DCAF4: variants seen among roughly 807,000 people sequenced by gnomAD.
DCAF4 encodes the protein DDB1 and CUL4 associated factor 4, also known as DDB1- and CUL4-associated factor 4.
In DCAF4, 37 loss-of-function variants were observed where a neutral mutation model predicts 60.9. That is an observed-to-expected ratio of 0.61 (90% confidence interval 0.47 to 0.80). The LOEUF (loss-of-function observed/expected upper bound fraction) is 0.80, where lower values mean the gene tolerates loss of function less well. DCAF4 is among the 30% of genes least tolerant of loss of function. The pLI is 0.00. For synonymous variants in DCAF4, 243 were observed against 254.8 expected, an observed-to-expected ratio of 0.95 and a Z score of 0.44; for missense variants, 577 against 650.0, an observed-to-expected ratio of 0.89 and a Z score of 1.22.
rs745422403 is a variant in DCAF4, at chr14:72,946,022, C to T, written c.673C>T (p.Arg225Trp). ...GCACGAAAACCTCTACTTCACCAAC[C>T]GGAAGGTACGTTGCCCATCCCTGTA... is the stretch of plus-strand genomic sequence containing the variant. ...FMHENLYFTNRKVNSVCWASL... is the reference protein window; with the variant it reads ...FMHENLYFTNWKVNSVCWASL... The change falls in exon 7 of 14, where the codon CGG becomes TGG. Residue 225 changes from arginine to tryptophan, a missense_variant. By Grantham distance (101) the Arg-to-Trp change is moderately radical (BLOSUM62 -3). Transcript: ENST00000358377. 1.7e-5 allele frequency: 28 copies of T among 1,613,894 alleles called. No individual in the cohort carries two copies. The highest frequency in any genetic ancestry group is 2.2e-5 in the Non-Finnish European group (26 of 1,180,010).
Position 72,941,752 on chromosome 14 carries a change from G to A in DCAF4, c.359G>A (p.Arg120Lys). Residue 120 changes from arginine (R) to lysine (K), a missense_variant, in exon 5 of 14, where the codon AGG (arginine) becomes AAG (lysine). Transcript: ENST00000358377. Reference sequence around the variant, plus strand: ...TTTTTGTAATAAATATAGATTGCCAGGATGGGATTTAATGCATCTTCCATG... The same window carrying A: ...TTTTTGTAATAAATATAGATTGCCAAGATGGGATTTAATGCATCTTCCATG... ...QEEDRRKKIA[R>K]MGFNASSMLR... 1 of 1,613,742 alleles carries A rather than the reference G, an allele frequency of 6.2e-7. No individual in the cohort carries two copies. The highest frequency in any genetic ancestry group is 8.5e-7 in the Non-Finnish European group (1 of 1,179,862).
chr14:72,934,129 C>T (rs1284882303), intron 1 of DCAF4, among the ~76,000 whole-genome samples: 1 of 151,310 alleles, frequency 6.6e-6, no homozygotes, highest in Non-Finnish European at 1.5e-5. Flanking sequence ...GCAGGCCCCC[C>T]GCCCCCACTG....
chr14:72,946,918 G>A (rs922435114), intron 7 of DCAF4, among the ~76,000 whole-genome samples: 3 of 152,186 alleles, frequency 2.0e-5, no homozygotes, highest in African/African-American at 7.2e-5. Flanking sequence ...CAGAGGGTAT[G>A]CCAGATAGAC....
At chr14:72,934,634 C>A (rs1461816409) in intron 1 of DCAF4, among the ~76,000 whole-genome samples, 2 of 152,142 alleles carry the variant, frequency 1.3e-5, no homozygotes, top group Non-Finnish European at 2.9e-5. Context: ...CTCCCTCCCC[C>A]ACCTCCAGCC....
At chr14:72,934,439 C>T (rs559117978) in intron 1 of DCAF4, among the ~76,000 whole-genome samples, 25 of 152,220 alleles carry the variant, frequency 1.6e-4, no homozygotes, top group Non-Finnish European at 2.1e-4. Context: ...CAGGTGTGAG[C>T]CACTGCACCC....
At chr14:72,955,299 C>T (rs1444999291) in intron 11 of DCAF4, among the ~76,000 whole-genome samples, 1 of 152,008 alleles carries the variant, frequency 6.6e-6, no homozygotes, top group Admixed American at 6.6e-5. Context: ...CTAGGACCTC[C>T]GTGCTACCCA....
intron 1 of DCAF4, among the ~76,000 whole-genome samples, chr14:72,935,384 A>AG (rs1242214413): frequency 1.3e-5 from 2 of 152,026 alleles, no homozygotes; most frequent in African/African-American, 4.8e-5. Context: ...CCTCCCAAGT[A>AG]ACCGGGATTA....
chr14:72,930,038 G>T, intron 1 of DCAF4: 1 of 564,610 alleles, frequency 1.8e-6, no homozygotes, highest in Non-Finnish European at 3.1e-6. Context: ...GGTTGAGGCA[G>T]GAGGACGGCT....
downstream of DCAF4, chr14:72,959,738 C>T (rs535689862): frequency 1.7e-5 from 15 of 859,762 alleles, no homozygotes; most frequent in South Asian, 8.0e-4. Flanking sequence ...GGAGAGCTTC[C>T]CTGGGCCCCT....
chr14:72,950,959 A>G (rs1352246235), intron 8 of DCAF4, among the ~76,000 whole-genome samples: 2 of 152,090 alleles, frequency 1.3e-5, no homozygotes, highest in Non-Finnish European at 2.9e-5. Context: ...GGGAGGGATC[A>G]GAGAGGGCTT....
chr14:72,929,602 G>A, intron 1 of DCAF4: 1 of 1,019,434 alleles, frequency 9.8e-7, no homozygotes, highest in South Asian at 1.4e-5. Flanking sequence ...AAGAGGGCAG[G>A]GGAGGGGGCT....
chr14:72,954,948 C>T lies in DCAF4; in HGVS notation c.1005+465C>T, dbSNP rs370354470. 2.6e-5 allele frequency among the ~76,000 whole-genome samples: 4 copies of T among 152,032 alleles called. No homozygotes were observed. The East Asian group carries it at 5.8e-4, about 22-fold the overall frequency. On this transcript the variant is annotated intron_variant, in intron 11 of 13. Coordinates refer to ENST00000358377, the MANE Select transcript of DCAF4 (RefSeq NM_015604.4). ...TAGCCAAGATGGTGAAACCCCTTCT[C>T]TACTAAAAATACGAAAGTTAGCCAG...
chr14:72,946,216 C>G (rs529214196), intron 7 of DCAF4, among the ~76,000 whole-genome samples, 189 bp downstream of exon 7: 1 of 149,168 alleles, frequency 6.7e-6, no homozygotes, highest in East Asian at 2.0e-4. Flanking sequence ...CATGGTGAAA[C>G]CTTGTCTCTA....
intron 13 of DCAF4, 152 bp downstream of exon 13, chr14:72,956,652 G>A: frequency 1.5e-6 from 1 of 676,054 alleles, no homozygotes; most frequent in Non-Finnish European, 2.6e-6. Context: ...TAGGAGGGAA[G>A]TAGAATTAGA....
chr14:72,952,944 C>T (rs369961388), intron 9 of DCAF4, among the ~76,000 whole-genome samples: 38 of 143,158 alleles, frequency 2.7e-4, no homozygotes, highest in African/African-American at 9.3e-4. Flanking sequence ...CCACCTGCCT[C>T]GGCCTCCCAA....
chr14:72,938,026 C>G lies in DCAF4; in HGVS notation c.48C>G (p.Ser16Arg). 2 of 1,611,006 alleles carry G rather than the reference C, an allele frequency of 1.2e-6. No individual in the cohort carries two copies. Among genetic ancestry groups the G allele is most frequent in the Non-Finnish European group, 1.7e-6 (2 of 1,179,156 alleles). ...WQSRRRHGRR[S>R]HQQNPWFRLR... ...GTAGAAGACGACATGGGAGAAGAAG[C>G]CACCAGCAGAACCCTTGGTTCAGAC... is the stretch of plus-strand genomic sequence containing the variant. Residue 16 changes from serine to arginine, a missense_variant, in exon 2 of 14, where the codon AGC becomes AGG. Ser to Arg is a moderately radical substitution (Grantham distance 110). Transcript: ENST00000358377.
chr14:72,947,279 T>C, intron 8 of DCAF4, 88 bp downstream of exon 8: 1 of 1,459,664 alleles, frequency 6.9e-7, no homozygotes, highest in Non-Finnish European at 9.6e-7. Flanking sequence ...ACATGGCATC[T>C]TAGTGACCAG....
intron 1 of DCAF4, chr14:72,929,876 TG>T: frequency 6.8e-7 from 1 of 1,474,226 alleles, no homozygotes; most frequent in Non-Finnish European, 9.3e-7. Context: ...CTCACGTTCT[TG>T]GTCACCTTGT....
rs58705908 is a variant in DCAF4 at position 72,958,886 on chromosome 14, G to T, written c.*81G>T. ...ACTTTTTACTGCATCTAATGAGGGT[G>T]TTTTAAGTGACACTCAGTGTACACA... On this transcript the variant is annotated 3_prime_UTR_variant, in exon 14 of 14. Transcript: ENST00000358377. 1,687 of 1,498,510 alleles carry T rather than the reference G, an allele frequency of 1.1e-3. 27 individuals carry two copies. In the African/African-American group the frequency reaches 0.021, roughly 19 times the overall value. 92.8% of individuals were successfully genotyped at this position (1,498,510 alleles called of 1,614,324 possible).
Sources: gnomAD v4.1 joint callset for allele counts (sites outside exome capture counted in the v4.1 genomes callset) on GRCh38, gnomAD v4.1.1 for gene constraint, MANE v1.5 for transcripts, NCBI Gene and HGNC (gene_info 2026-07-23, HGNC 2026-07-21) for gene names.